Variants in DNAH14 observed in about 807,000 individuals in gnomAD.
DNAH14 encodes the protein axonemal beta dynein heavy chain 14.
In DNAH14, 478 loss-of-function variants were observed where a neutral mutation model predicts 520.9. The observed-to-expected ratio is 0.92, with a 90% CI of 0.85 to 0.99. The LOEUF (loss-of-function observed/expected upper bound fraction) is 0.99. Among genes scored for constraint, DNAH14 ranks in the 50% least tolerant of loss-of-function variants. DNAH14 has a pLI of 0.00. For missense variants in DNAH14, 4,831 were observed against 5,234.5 expected (o/e 0.92, Z 2.38); for synonymous variants, 1,581 against 1,757.2 (o/e 0.90, Z 2.51).
intron 12 of DNAH14, among the ~76,000 whole-genome samples, chr1:225,041,509 ATAT>A (rs2067478189): frequency 6.6e-6 from 1 of 152,246 alleles, no homozygotes; most frequent in Non-Finnish European, 1.5e-5. Context: ...CAGTTAGTTC[ATAT>A]TATAACGATG....
chr1:225,275,071 A>G (rs1019831338), intron 52 of DNAH14, among the ~76,000 whole-genome samples: 3 of 152,170 alleles, frequency 2.0e-5, no homozygotes, highest in Non-Finnish European at 4.4e-5. Context: ...ATCTCACCTA[A>G]GGTCACCCTG....
At position 224,930,673 on chromosome 1, in the gene DNAH14, C is replaced by T. The variant is rs182893076; in HGVS notation, c.-34+838C>T. Among the ~76,000 whole-genome samples the T allele has an allele frequency of 4.0e-3, 614 of 152,294 alleles. 2 individuals carry two copies. The highest frequency in any genetic ancestry group is 0.014 in the African/African-American group (582 of 41,558). ...AGTGCAGTGGCGCGACCTGGGCTCA[C>T]TGCAAGCTCCGCCTCCCGGGTTCAC... On this transcript the variant is annotated intron_variant, in intron 1 of 85. Transcript: ENST00000682510.
At chr1:225,216,184 G>T (rs572140855) in intron 41 of DNAH14, among the ~76,000 whole-genome samples, 5 of 152,168 alleles carry the variant, frequency 3.3e-5, no homozygotes, top group African/African-American at 1.2e-4. Context: ...TGAAATTCTG[G>T]GTTGAAAATT....
chr1:225,187,920 AG>A (rs2084945528), intron 37 of DNAH14, among the ~76,000 whole-genome samples: 1 of 151,706 alleles, frequency 6.6e-6, no homozygotes, highest in African/African-American at 2.4e-5. Context: ...TGTGAAGTGT[AG>A]GGGTCCAACT....
chr1:225,187,579 A>G (rs1008448169), intron 37 of DNAH14, among the ~76,000 whole-genome samples: 1 of 151,922 alleles, frequency 6.6e-6, no homozygotes, highest in African/African-American at 2.4e-5. Context: ...AGTGTTTTAC[A>G]GTAACTACAT....
At chr1:225,335,083 GTACATATATACATATATGTATATA>G (rs1262090584) in intron 66 of DNAH14, among the ~76,000 whole-genome samples, 82 of 147,780 alleles carry the variant, frequency 5.5e-4, no homozygotes, top group African/African-American at 5.2e-4. Flanking sequence ...ACGTACATAT[GTACATATATACATATATGTATATA>G]TACATATATA....
At chr1:225,236,454 T>C (rs1376341856) in intron 42 of DNAH14, among the ~76,000 whole-genome samples, 1 of 152,200 alleles carries the variant, frequency 6.6e-6, no homozygotes, top group Non-Finnish European at 1.5e-5. Context: ...ATGTGATCAA[T>C]TTTAGAGTAA....
At chr1:225,363,550 A>C (rs2095517105) in intron 75 of DNAH14, among the ~76,000 whole-genome samples, 1 of 152,122 alleles carries the variant, frequency 6.6e-6, no homozygotes, top group African/African-American at 2.4e-5. Flanking sequence ...TTTAATCTAT[A>C]ATAGTTCCTC....
chr1:225,273,304 C>G (rs1008071250), intron 52 of DNAH14, among the ~76,000 whole-genome samples, 179 bp downstream of exon 52: 1 of 152,086 alleles, frequency 6.6e-6, no homozygotes, highest in Non-Finnish European at 1.5e-5. Flanking sequence ...TGGTGATGGG[C>G]GCCTGTAGTC....
At chr1:225,300,557 C>T (rs2094119236) in intron 55 of DNAH14, among the ~76,000 whole-genome samples, 1 of 152,008 alleles carries the variant, frequency 6.6e-6, no homozygotes, top group Non-Finnish European at 1.5e-5. Flanking sequence ...AAAAATTAGC[C>T]AAGCATGGTG....
chr1:225,089,476 GAAAGA>G (rs1043793346), intron 21 of DNAH14, among the ~76,000 whole-genome samples: 2 of 128,866 alleles, frequency 1.6e-5, no homozygotes, highest in Non-Finnish European at 1.7e-5. Flanking sequence ...GAGAGCGAGA[GAAAGA>G]AAAGAAAAGA....
chr1:225,251,799 C>T (rs1340163388), intron 43 of DNAH14, among the ~76,000 whole-genome samples: 2 of 152,034 alleles, frequency 1.3e-5, no homozygotes, highest in Non-Finnish European at 2.9e-5. Flanking sequence ...ATTTACCATT[C>T]AAGTGGTAAA....
At chr1:225,059,878 G>C (rs1236993000) in intron 17 of DNAH14, among the ~76,000 whole-genome samples, 1 of 152,248 alleles carries the variant, frequency 6.6e-6, no homozygotes, top group African/African-American at 2.4e-5. Flanking sequence ...GACTTGCAGA[G>C]TTTCTGCCGA....
chr1:225,270,794 A>C lies in DNAH14; in HGVS notation c.7599A>C (p.Pro2533=), dbSNP rs1047391938. 1.2e-5 allele frequency: 19 copies of C among 1,551,106 alleles called. No homozygotes were observed. Among genetic ancestry groups the C allele is most frequent in the Non-Finnish European group, 1.6e-5 (18 of 1,146,722 alleles). Residue 2533 remains proline, a synonymous_variant, in exon 50 of 86, where the codon CCA becomes CCC. Transcript: ENST00000682510. ...ACVPVVNDIS[P]RLLKHFSMLV... is the part of the protein sequence containing the mutation. ...TTCCAGTTGTGAATGATATCAGCCC[A>C]CGTCTTCTCAAACACTTTTCCATGC... is the stretch of plus-strand genomic sequence containing the variant.
intron 81 of DNAH14, among the ~76,000 whole-genome samples, chr1:225,386,963 A>T (rs1395032258): frequency 6.6e-6 from 1 of 152,258 alleles, no homozygotes. Context: ...CACTATTCAC[A>T]ATAGCAAAGA....
At chr1:225,357,345 A>G (rs2095441245) in intron 73 of DNAH14, among the ~76,000 whole-genome samples, 1 of 152,158 alleles carries the variant, frequency 6.6e-6, no homozygotes, top group Non-Finnish European at 1.5e-5. Context: ...CAAGGTTAAA[A>G]TTTACAACAG....
intron 27 of DNAH14, among the ~76,000 whole-genome samples, chr1:225,124,537 G>T (rs777619536): frequency 6.6e-6 from 1 of 152,216 alleles, no homozygotes; most frequent in Non-Finnish European, 1.5e-5. Flanking sequence ...ATCCATAAGA[G>T]GCAACTTGTC....
intron 12 of DNAH14, among the ~76,000 whole-genome samples, chr1:225,041,641 G>A (rs1205913794): frequency 6.6e-6 from 1 of 151,996 alleles, no homozygotes; most frequent in Admixed American, 6.6e-5. Context: ...TGTCTCTTGG[G>A]GTTTTTATGA....
chr1:225,289,202 C>T (rs2093811839), intron 54 of DNAH14, among the ~76,000 whole-genome samples: 1 of 152,062 alleles, frequency 6.6e-6, no homozygotes, highest in Non-Finnish European at 1.5e-5. Context: ...CATTAGACTT[C>T]ATGGTATATA....
Sources: allele counts gnomAD v4.1 joint callset (sites outside exome capture counted in the v4.1 genomes callset), GRCh38; gene constraint gnomAD v4.1.1; transcripts MANE v1.5; gene names NCBI Gene and HGNC (gene_info 2026-07-23, HGNC 2026-07-21).